The following CRBN variants were observed in gnomAD, a reference collection of about 807,000 sequenced individuals.
The protein encoded by CRBN is cereblon.
A neutral mutation model predicts 62.2 loss-of-function variants in CRBN; 53 were observed. The observed-to-expected ratio is 0.85, with a 90% CI of 0.68 to 1.07. CRBN has a LOEUF of 1.07. CRBN is among the 50% of genes least tolerant of loss of function. CRBN has a pLI of 0.00. For synonymous variants in CRBN, 208 were observed against 176.1 expected (o/e 1.18, Z -1.43); for missense variants, 616 against 531.1 (o/e 1.16, Z -1.57).
At chr3:3,173,843 T>C (rs116146610) in intron 3 of CRBN, 16,305 of 579,648 alleles carry the variant, frequency 0.028, 324 homozygotes, top group Non-Finnish European at 0.037. Flanking sequence ...AGTTAAATTG[T>C]GTATGAAGGT....
rs752261571 is a variant in CRBN, at chr3:3,150,897, T to C, written c.1297A>G (p.Ile433Val). 4 of 1,613,842 alleles carry C rather than the reference T, an allele frequency of 2.5e-6. No homozygotes were observed. The highest frequency in any genetic ancestry group is 2.2e-5 in the East Asian group (1 of 44,884). The change falls in exon 11 of 11, where the codon ATA becomes GTA. Residue 433 changes from isoleucine (I) to valine (V), a missense_variant. Ile to Val is a conservative substitution (Grantham distance 29, BLOSUM62 3). Coordinates refer to ENST00000231948, the MANE Select transcript of CRBN (RefSeq NM_016302.4). ...CAAAGTATTACTTTGTCTGGACTTA[T>C]TTCATCTTCAGTGTCTGGGATCGTG... ...LPTIPDTEDE[I>V]SPDKVILCL
At chr3:3,176,948 T>G (rs1707846662) in intron 1 of CRBN, among the ~76,000 whole-genome samples, 1 of 152,232 alleles carries the variant, frequency 6.6e-6, no homozygotes, top group Non-Finnish European at 1.5e-5. Context: ...ATACAAACTA[T>G]GAGTAAATTT....
Position 3,150,852 on chromosome 3 carries a change from C to T in CRBN, c.*13G>A, listed in dbSNP as rs533365588. 86 of 1,585,356 alleles carry T rather than the reference C, an allele frequency of 5.4e-5. No individual in the cohort carries two copies. Among genetic ancestry groups the T allele is most frequent in the African/African-American group, 2.3e-4 (17 of 74,008 alleles). ...ACCAATTTGTTAGATAACTTTATCTCTATCACATCTGTTTACAAGCAAAGT... is the reference window on the plus strand; with the variant it reads ...ACCAATTTGTTAGATAACTTTATCTTTATCACATCTGTTTACAAGCAAAGT... On this transcript the variant is annotated 3_prime_UTR_variant, in exon 11 of 11. Transcript: ENST00000231948.
intron 6 of CRBN, 108 bp downstream of exon 6, chr3:3,156,111 A>T: frequency 1.1e-6 from 1 of 938,178 alleles, no homozygotes; most frequent in Non-Finnish European, 1.7e-6. Flanking sequence ...ACGATATCTT[A>T]AGTTATAAGG....
intron 4 of CRBN, 62 bp from the exon 5 acceptor site, chr3:3,167,855 G>A (rs1406881794): frequency 2.3e-5 from 35 of 1,504,214 alleles, no homozygotes; most frequent in Non-Finnish European, 4.6e-6. Flanking sequence ...AAAACTATAA[G>A]TTTCTAAACA....
intron 9 of CRBN, chr3:3,152,876 C>G (rs1038629291): frequency 4.6e-6 from 2 of 438,166 alleles, no homozygotes; most frequent in African/African-American, 4.0e-5. Flanking sequence ...ATATAAAACT[C>G]AAATGCTTCT....
intron 3 of CRBN, among the ~76,000 whole-genome samples, chr3:3,173,661 C>T (rs757869808): frequency 1.3e-5 from 2 of 151,992 alleles, no homozygotes; most frequent in African/African-American, 4.8e-5. Context: ...AGTGGTACAA[C>T]CTATGAATTT....
chr3:3,165,403 A>C (rs1486795142), intron 5 of CRBN, among the ~76,000 whole-genome samples: 1 of 152,182 alleles, frequency 6.6e-6, no homozygotes, highest in Non-Finnish European at 1.5e-5. Flanking sequence ...AGGAAGAGTC[A>C]ATCTGTGGGG....
intron 9 of CRBN, 60 bp from the exon 10 acceptor site, chr3:3,152,647 G>A: frequency 8.8e-6 from 14 of 1,597,876 alleles, no homozygotes; most frequent in African/African-American, 1.3e-5. Flanking sequence ...TTTATTAAAT[G>A]CTTAGAATTT....
chr3:3,171,498 T>C (rs1388134559), intron 4 of CRBN, among the ~76,000 whole-genome samples: 1 of 152,132 alleles, frequency 6.6e-6, no homozygotes, highest in Admixed American at 6.5e-5. Context: ...GCTTATCTAT[T>C]GAGGGAGACG....
intron 10 of CRBN, among the ~76,000 whole-genome samples, chr3:3,151,453 A>T (rs1706544214): frequency 6.6e-6 from 1 of 152,090 alleles, no homozygotes; most frequent in South Asian, 2.1e-4. Context: ...CTTCTGTCTG[A>T]GTTAAACTGG....
At chr3:3,171,236 A>G (rs1322906080) in intron 4 of CRBN, among the ~76,000 whole-genome samples, 1 of 152,218 alleles carries the variant, frequency 6.6e-6, no homozygotes, top group Non-Finnish European at 1.5e-5. Context: ...TCTGAGAAAT[A>G]TACTTTTCCC....
At position 3,163,827 on chromosome 3, in the gene CRBN, C is replaced by CA. The variant is rs200953414; in HGVS notation, c.687+3806dup. Reference sequence around the variant, plus strand: ...GATACTGCCTTTAAAAACAAACAAACAAAAAAAAAATTAAAGATTTCTGGC... The same window carrying CA: ...GATACTGCCTTTAAAAACAAACAAACAAAAAAAAAAATTAAAGATTTCTGGC... On this transcript the variant is annotated intron_variant, in intron 5 of 10. Coordinates refer to ENST00000231948, the MANE Select transcript of CRBN (RefSeq NM_016302.4). Among the ~76,000 whole-genome samples the CA allele has an allele frequency of 2.3e-3, 349 of 150,386 alleles. 3 individuals carry two copies. Among genetic ancestry groups the CA allele is most frequent in the Admixed American group, 0.018 (272 of 15,126 alleles).
intron 5 of CRBN, among the ~76,000 whole-genome samples, chr3:3,163,540 A>G (rs1707218339): frequency 6.6e-6 from 1 of 152,214 alleles, no homozygotes; most frequent in Non-Finnish European, 1.5e-5. Context: ...AACTCACATA[A>G]AAAATAAATT....
At chr3:3,179,257 T>C (rs1271731106) in intron 1 of CRBN, among the ~76,000 whole-genome samples, 2 of 152,174 alleles carry the variant, frequency 1.3e-5, no homozygotes, top group Non-Finnish European at 2.9e-5. Flanking sequence ...GTCACTCTTA[T>C]TAAAAGGAAG....
At chr3:3,158,068 C>T (rs1706978031) in intron 5 of CRBN, among the ~76,000 whole-genome samples, 1 of 152,176 alleles carries the variant, frequency 6.6e-6, no homozygotes, top group African/African-American at 2.4e-5. Context: ...ATGCAAAGAT[C>T]AGCCGTCCCC....
chr3:3,163,748 G>A (rs698204), intron 5 of CRBN, among the ~76,000 whole-genome samples: 42 of 151,818 alleles, frequency 2.8e-4, no homozygotes, highest in African/African-American at 5.3e-4. Context: ...ATCTTGGTGC[G>A]GAAGAACTAT....
chr3:3,171,803 C>G (rs941773356), intron 4 of CRBN, among the ~76,000 whole-genome samples: 1 of 152,090 alleles, frequency 6.6e-6, no homozygotes, highest in African/African-American at 2.4e-5. Flanking sequence ...CAAAAAAACC[C>G]CAAAATACTC....
At chr3:3,165,813 C>A (rs769066523) in intron 5 of CRBN, among the ~76,000 whole-genome samples, 1 of 152,096 alleles carries the variant, frequency 6.6e-6, no homozygotes, top group Admixed American at 6.6e-5. Context: ...TACATCACTA[C>A]GTGAATATTC....
Sources: gnomAD v4.1 joint callset for allele counts (sites outside exome capture counted in the v4.1 genomes callset) on GRCh38, gnomAD v4.1.1 for gene constraint, MANE v1.5 for transcripts, NCBI Gene and HGNC (gene_info 2026-07-23, HGNC 2026-07-21) for gene names.